Variants in ARID3B observed in about 807,000 individuals in gnomAD.
ARID3B encodes the protein AT-rich interactive domain-containing protein 3B.
Under a neutral mutation model 51.9 loss-of-function variants are expected in ARID3B, and 10 were observed. The observed-to-expected ratio is 0.19, with a 90% CI of 0.12 to 0.33. ARID3B has a LOEUF of 0.33. ARID3B is among the 10% of genes least tolerant of loss of function. The pLI is 1.00. For missense variants in ARID3B, 483 were observed against 716.3 expected, an observed-to-expected ratio of 0.67 and a Z score of 3.72; for synonymous variants, 205 against 279.5, an observed-to-expected ratio of 0.73 and a Z score of 2.66.
At position 74,595,741 on chromosome 15, in the gene ARID3B, C is replaced by T. The variant is rs1311101811; in HGVS notation, c.1650C>T (p.Pro550=). The part of the protein sequence containing the change: ...SPSPTSSRGT[P]SAEPSTSWSL ...GTCCTACCTCATCCCGGGGCACCCCCAGCGCAGAGCCCTCCACCAGCTGGT... is the reference window on the plus strand; with the variant it reads ...GTCCTACCTCATCCCGGGGCACCCCTAGCGCAGAGCCCTCCACCAGCTGGT... Residue 550 remains proline, a synonymous_variant, in exon 9 of 9, where the codon CCC becomes CCT. Transcript: ENST00000346246. 1 of 1,609,562 alleles carries T rather than the reference C, an allele frequency of 6.2e-7. No homozygotes were observed. The highest frequency in any genetic ancestry group is 1.7e-5 in the Admixed American group (1 of 59,528).
chr15:74,563,162 A>G (rs1314896107), intron 2 of ARID3B, among the ~76,000 whole-genome samples: 1 of 152,236 alleles, frequency 6.6e-6, no homozygotes, highest in African/African-American at 2.4e-5. Context: ...AGAGGAGTCA[A>G]TCACTATCCC....
chr15:74,579,617 TTGTA>T, intron 4 of ARID3B, among the ~76,000 whole-genome samples: 1 of 152,298 alleles, frequency 6.6e-6, no homozygotes, highest in African/African-American at 2.4e-5. Flanking sequence ...ATCAAAGTAA[TTGTA>T]TGAAACATCA....
At chr15:74,557,524 C>T (rs920532754) in intron 2 of ARID3B, among the ~76,000 whole-genome samples, 1 of 151,634 alleles carries the variant, frequency 6.6e-6, no homozygotes, top group African/African-American at 2.4e-5. Context: ...TTATTTTTTT[C>T]TTCACCCTTA....
At chr15:74,559,923 G>A (rs1056549506) in intron 2 of ARID3B, among the ~76,000 whole-genome samples, 4 of 150,376 alleles carry the variant, frequency 2.7e-5, no homozygotes, top group African/African-American at 4.9e-5. Flanking sequence ...GCTGGGTGCC[G>A]TGGCTCACAC....
At chr15:74,554,045 C>G (rs1290397618) in intron 2 of ARID3B, among the ~76,000 whole-genome samples, 1 of 151,950 alleles carries the variant, frequency 6.6e-6, no homozygotes, top group Non-Finnish European at 1.5e-5. Context: ...CTCGCTCTGT[C>G]GCTCAGGCTA....
At chr15:74,553,766 C>G (rs2061646341) in intron 2 of ARID3B, among the ~76,000 whole-genome samples, 2 of 151,846 alleles carry the variant, frequency 1.3e-5, no homozygotes, top group Non-Finnish European at 2.9e-5. Context: ...ACATTTGGAT[C>G]TATTTCTGCC....
At position 74,547,661 on chromosome 15, in the gene ARID3B, G is replaced by A. The variant is rs574775096; in HGVS notation, c.552+3173G>A. 5.3e-5 allele frequency among the ~76,000 whole-genome samples: 8 copies of A among 152,324 alleles called. No homozygotes were observed. The South Asian group carries it at 6.2e-4, about 12-fold the overall frequency. ...AACCTCAAGGGGGATTCGAACTTGGGTTACAATAATTTGATTCTGTCCTGA... is the reference window on the plus strand; with the variant it reads ...AACCTCAAGGGGGATTCGAACTTGGATTACAATAATTTGATTCTGTCCTGA... On this transcript the variant is annotated intron_variant, in intron 2 of 8. Coordinates refer to ENST00000346246, the MANE Select transcript of ARID3B (RefSeq NM_006465.4).
At chr15:74,588,710 C>T (rs1393809899) in intron 4 of ARID3B, among the ~76,000 whole-genome samples, 4 of 152,094 alleles carry the variant, frequency 2.6e-5, no homozygotes, top group African/African-American at 9.7e-5. Flanking sequence ...GGACTTGCCC[C>T]GCCCTCACCA....
In ARID3B at chr15:74,589,876, C is replaced by T; in HGVS notation, c.754C>T (p.Leu252=). 2 of 1,614,114 alleles carry T rather than the reference C, an allele frequency of 1.2e-6. No individual in the cohort carries two copies. Among genetic ancestry groups the T allele is most frequent in the Non-Finnish European group, 1.7e-6 (2 of 1,180,008 alleles). ...CAAACAGATCCTGGACCTGTACATG[C>T]TGTATAAGCTGGTGACCGAGAAGGG... The part of the protein sequence containing the change: ...MAKQILDLYM[L]YKLVTEKGGL... Residue 252 remains leucine, a synonymous_variant, in exon 5 of 9, where the codon CTG becomes TTG. Transcript: ENST00000346246.
intron 2 of ARID3B, among the ~76,000 whole-genome samples, chr15:74,570,918 AT>A (rs1466681269): frequency 6.6e-6 from 1 of 151,942 alleles, no homozygotes; most frequent in Non-Finnish European, 1.5e-5. Flanking sequence ...CCACTTGGCT[AT>A]TGGCTCCCCT....
intron 8 of ARID3B, among the ~76,000 whole-genome samples, chr15:74,594,568 G>A (rs1053887638): frequency 1.3e-5 from 2 of 152,238 alleles, no homozygotes; most frequent in Non-Finnish European, 2.9e-5. Context: ...AAGGTGTCTC[G>A]TGGAGACAGG....
chr15:74,595,570 C>T (rs775166058), intron 8 of ARID3B, 41 bp from the exon 9 acceptor site: 4 of 1,595,852 alleles, frequency 2.5e-6, no homozygotes, highest in East Asian at 2.2e-5. Flanking sequence ...CTCCCCTTCG[C>T]TCTTCCTCTG....
chr15:74,547,619 A>G (rs2061621006), intron 2 of ARID3B, among the ~76,000 whole-genome samples: 2 of 152,222 alleles, frequency 1.3e-5, no homozygotes, highest in African/African-American at 4.8e-5. Context: ...GTTCAGGTCT[A>G]GCGGTGGCAG....
At position 74,573,161 on chromosome 15, in the gene ARID3B, G is replaced by A. The variant is rs1225098316; in HGVS notation, c.654G>A (p.Arg218=). Residue 218 remains arginine, a synonymous_variant, in exon 4 of 9, where the codon AGG becomes AGA. Coordinates refer to ENST00000346246, the MANE Select transcript of ARID3B (RefSeq NM_006465.4). ...ATGAACTGGACGGTGATCCTGAAAGGAAAGAGTTCCTGGATGACCTCTTCG... is the reference window on the plus strand; with the variant it reads ...ATGAACTGGACGGTGATCCTGAAAGAAAAGAGTTCCTGGATGACCTCTTCG... ...KLYELDGDPE[R]KEFLDDLFVF... is the part of the protein sequence containing the mutation. The A allele has an allele frequency of 7.4e-6, 12 of 1,614,134 alleles. No individual in the cohort carries two copies. Among genetic ancestry groups the A allele is most frequent in the Non-Finnish European group, 9.3e-6 (11 of 1,180,022 alleles).
At position 74,591,287 on chromosome 15, in the gene ARID3B, C is replaced by T. The variant is rs758339906; in HGVS notation, c.1018C>T (p.Pro340Ser). ...SYSSSLFGYS[P>S]AAATAAAAAG... is the part of the protein sequence containing the mutation. ...CAGCTCCTCCCTCTTTGGCTACTCACCTGCTGCGGCTACTGCTGCTGCCGC... is the reference window on the plus strand; with the variant it reads ...CAGCTCCTCCCTCTTTGGCTACTCATCTGCTGCGGCTACTGCTGCTGCCGC... The change falls in exon 6 of 9, where the codon CCT becomes TCT. Residue 340 changes from proline (P) to serine (S), a missense_variant. Physicochemically the swap from Pro to Ser is moderately conservative, Grantham distance 74. Around this residue, in one of 3 missense-constraint regions of ARID3B, gnomAD observed 265 missense variants for 354.4 expected, o/e 0.75. Coordinates refer to ENST00000346246, the MANE Select transcript of ARID3B (RefSeq NM_006465.4). The surrounding 1 kb of genome is among the most constrained non-coding windows in gnomAD (Gnocchi z 5.8). The T allele has an allele frequency of 6.2e-6, 10 of 1,613,882 alleles. No individual in the cohort carries two copies. The East Asian group carries it at 1.6e-4, about 25-fold the overall frequency.
intron 2 of ARID3B, among the ~76,000 whole-genome samples, chr15:74,551,325 T>C (rs769973482): frequency 6.6e-6 from 1 of 152,212 alleles, no homozygotes; most frequent in Non-Finnish European, 1.5e-5. Context: ...CCTTTCAGGA[T>C]TATGTGAGCT....
chr15:74,542,436 A>G (rs1313679268), intron 1 of ARID3B, among the ~76,000 whole-genome samples: 2 of 152,224 alleles, frequency 1.3e-5, no homozygotes, highest in Non-Finnish European at 2.9e-5. Context: ...CACAGAACAC[A>G]AAAGGCACAA....
Position 74,596,967 on chromosome 15 carries a change from G to C in ARID3B, c.*1193G>C, listed in dbSNP as rs1192563701. 9 of 233,788 alleles carry C rather than the reference G, an allele frequency of 3.8e-5. No homozygotes were observed. The highest frequency in any genetic ancestry group is 5.9e-5 in the Non-Finnish European group (7 of 118,198). 14.5% of individuals were successfully genotyped at this position (233,788 alleles called of 1,614,324 possible). ...ACGACTCAGGGATCGCGGGGGCGGG[G>C]AGGTGGAGTGGAGAGGCCCGCTCTC... is the stretch of plus-strand genomic sequence containing the variant. On this transcript the variant is annotated 3_prime_UTR_variant, in exon 9 of 9. Transcript: ENST00000346246.
At chr15:74,578,057 A>C (rs2061744340) in intron 4 of ARID3B, among the ~76,000 whole-genome samples, 2 of 151,746 alleles carry the variant, frequency 1.3e-5, no homozygotes, top group Admixed American at 6.6e-5. Flanking sequence ...CAGTTTCACC[A>C]TGTTGGCCAG....
Sources: allele counts gnomAD v4.1 joint callset (sites outside exome capture counted in the v4.1 genomes callset), GRCh38; gene constraint gnomAD v4.1.1; regional missense constraint gnomAD v4.1.1; non-coding constraint Gnocchi (gnomAD v3.1); transcripts MANE v1.5; gene names NCBI Gene and HGNC (gene_info 2026-07-23, HGNC 2026-07-21).